The following WDPCP variants were observed in gnomAD, a reference collection of about 807,000 sequenced individuals.
The protein encoded by WDPCP is WD repeat containing planar cell polarity effector, also known as WD repeat-containing and planar cell polarity effector protein fritz homolog.
WDPCP carries 71 observed loss-of-function variants against 93.1 expected under a neutral mutation model. The ratio of observed to expected loss-of-function variants is 0.76; its 90% CI spans 0.63 to 0.93. The LOEUF is 0.93. WDPCP is among the 40% of genes least tolerant of loss of function. The pLI, the probability that WDPCP is intolerant of heterozygous loss-of-function variation, is 0.00. For missense variants in WDPCP, 844 were observed against 887.4 expected, an observed-to-expected ratio of 0.95 and a Z score of 0.62; for synonymous variants, 315 against 315.0, an observed-to-expected ratio of 1.00 and a Z score of 0.00.
intron 17 of WDPCP, among the ~76,000 whole-genome samples, chr2:63,147,429 G>A (rs938183775): frequency 6.6e-6 from 1 of 152,190 alleles, no homozygotes. Context: ...TGGATTAATT[G>A]TAAGTGGGTT....
intron 1 of WDPCP, among the ~76,000 whole-genome samples, chr2:63,539,245 C>G (rs1410184292): frequency 6.6e-6 from 1 of 152,162 alleles, no homozygotes; most frequent in Non-Finnish European, 1.5e-5. Context: ...ATTATCTCAT[C>G]ATAATCTGGC....
At chr2:63,395,767 G>C (rs1394849645) in intron 10 of WDPCP, among the ~76,000 whole-genome samples, 1 of 151,992 alleles carries the variant, frequency 6.6e-6, no homozygotes, top group Non-Finnish European at 1.5e-5. Flanking sequence ...TGCTCTTGCT[G>C]CCCAGGCTGG....
intron 1 of WDPCP, among the ~76,000 whole-genome samples, chr2:63,526,356 A>G (rs557807862): frequency 7.2e-5 from 11 of 152,194 alleles, no homozygotes; most frequent in Admixed American, 7.2e-4. Flanking sequence ...GTATCTTTTC[A>G]TTCTCCTCTA....
chr2:63,689,561 G>A (rs540500457), intron 2 of WDPCP, among the ~76,000 whole-genome samples: 12 of 152,286 alleles, frequency 7.9e-5, no homozygotes, highest in Admixed American at 7.2e-4. Context: ...GATGCAAGTA[G>A]TACAGACGTA....
chr2:63,535,420 AG>A (rs1704198737), intron 1 of WDPCP, among the ~76,000 whole-genome samples: 1 of 152,258 alleles, frequency 6.6e-6, no homozygotes, highest in Non-Finnish European at 1.5e-5. Context: ...CTAAGCCAAA[AG>A]AACAGAGCTG....
intron 3 of WDPCP, chr2:63,599,250 C>A: frequency 6.2e-7 from 1 of 1,613,720 alleles, no homozygotes; most frequent in Non-Finnish European, 8.5e-7. Flanking sequence ...AGGAGAACTT[C>A]AGTTGCTTGA....
At chr2:63,303,360 GT>G (rs1257951886) in intron 13 of WDPCP, among the ~76,000 whole-genome samples, 9 of 152,276 alleles carry the variant, frequency 5.9e-5, no homozygotes, top group African/African-American at 2.2e-4. Flanking sequence ...CTCTGGTGTG[GT>G]AGGACGTGGG....
chr2:63,251,533 C>T (rs370441216), intron 14 of WDPCP, among the ~76,000 whole-genome samples: 8 of 131,054 alleles, frequency 6.1e-5, no homozygotes, highest in African/African-American at 1.8e-4. Flanking sequence ...GCTCTGTCGT[C>T]GAGGCTGGAG....
At chr2:63,665,503 C>T (rs1240783819) in intron 2 of WDPCP, among the ~76,000 whole-genome samples, 1 of 152,166 alleles carries the variant, frequency 6.6e-6, no homozygotes, top group Non-Finnish European at 1.5e-5. Flanking sequence ...CTAATCATAA[C>T]TAATTACATC....
At position 63,544,495 on chromosome 2, in the gene WDPCP, C is replaced by A. The variant is rs377340666; in HGVS notation, c.75+43702G>T. 5.3e-5 allele frequency among the ~76,000 whole-genome samples: 8 copies of A among 152,188 alleles called. No individual in the cohort carries two copies. The South Asian group carries it at 1.7e-3, about 32-fold the overall frequency. ...TTTCAAATGTGTTCAAACTGATTCT[C>A]TATTATTTCAAAAAGACTCACTTTT... On this transcript the variant is annotated intron_variant, in intron 1 of 17. Coordinates refer to ENST00000272321, the MANE Select transcript of WDPCP (RefSeq NM_015910.7).
At chr2:63,561,858 A>C (rs978888231) in intron 1 of WDPCP, among the ~76,000 whole-genome samples, 1 of 152,230 alleles carries the variant, frequency 6.6e-6, no homozygotes, top group Non-Finnish European at 1.5e-5. Flanking sequence ...GTAATTAAAA[A>C]GTCAAGAAAC....
intron 13 of WDPCP, among the ~76,000 whole-genome samples, chr2:63,278,941 A>T (rs1683293607): frequency 6.6e-6 from 1 of 152,210 alleles, no homozygotes; most frequent in African/African-American, 2.4e-5. Context: ...TAAACCAGGG[A>T]GATATATAAA....
At chr2:63,295,338 A>G (rs1684760885) in intron 13 of WDPCP, among the ~76,000 whole-genome samples, 1 of 152,118 alleles carries the variant, frequency 6.6e-6, no homozygotes, top group Non-Finnish European at 1.5e-5. Context: ...CTTCCAATCA[A>G]AAGACATATT....
At chr2:63,764,346 G>T (rs1670106516) in intron 2 of WDPCP, among the ~76,000 whole-genome samples, 1 of 152,140 alleles carries the variant, frequency 6.6e-6, no homozygotes, top group South Asian at 2.1e-4. Context: ...GGGCTAGCCT[G>T]TGATCCTTTG....
intron 2 of WDPCP, among the ~76,000 whole-genome samples, chr2:63,773,074 T>C (rs1294488150): frequency 6.6e-6 from 1 of 152,104 alleles, no homozygotes; most frequent in Non-Finnish European, 1.5e-5. Flanking sequence ...TAGCATTGCA[T>C]TTCTTTATAT....
At chr2:63,499,528 A>G (rs957062047) in intron 1 of WDPCP, among the ~76,000 whole-genome samples, 1 of 152,226 alleles carries the variant, frequency 6.6e-6, no homozygotes, top group Non-Finnish European at 1.5e-5. Flanking sequence ...GGAGTGAAGG[A>G]AAGTTTGATA....
At chr2:63,359,179 C>A (rs1690249248) in intron 12 of WDPCP, among the ~76,000 whole-genome samples, 1 of 152,066 alleles carries the variant, frequency 6.6e-6, no homozygotes, top group South Asian at 2.1e-4. Flanking sequence ...TTGAGTCTTA[C>A]CATAATCCAA....
chr2:63,749,856 A>T (rs1453019930), intron 2 of WDPCP, among the ~76,000 whole-genome samples: 1 of 152,098 alleles, frequency 6.6e-6, no homozygotes, highest in Non-Finnish European at 1.5e-5. Context: ...ATGATGTGAA[A>T]TTACTGTATT....
chr2:63,657,135 C>G (rs930109227), intron 2 of WDPCP, among the ~76,000 whole-genome samples: 1 of 148,932 alleles, frequency 6.7e-6, no homozygotes, highest in South Asian at 2.1e-4. Context: ...GTAAGGGCTA[C>G]TTTATTATAA....
Sources: gnomAD v4.1 joint callset for allele counts (sites outside exome capture counted in the v4.1 genomes callset) on GRCh38, gnomAD v4.1.1 for gene constraint, MANE v1.5 for transcripts, NCBI Gene and HGNC (gene_info 2026-07-23, HGNC 2026-07-21) for gene names.